Variants in ROBO2 observed in about 807,000 individuals in gnomAD.
The protein encoded by ROBO2 is roundabout guidance receptor 2.
A neutral mutation model predicts 160.8 loss-of-function variants in ROBO2; 53 were observed. The ratio of observed to expected loss-of-function variants is 0.33; its 90% CI spans 0.26 to 0.41. ROBO2 has a LOEUF of 0.41. ROBO2 is among the 10% of genes least tolerant of loss of function. The pLI, the probability that ROBO2 is intolerant of heterozygous loss-of-function variation, is 1.00. For synonymous variants in ROBO2, 664 were observed against 611.7 expected (o/e 1.09, Z -1.26); for missense variants, 1,577 against 1,722.4 (o/e 0.92, Z 1.49).
intron 2 of ROBO2, among the ~76,000 whole-genome samples, chr3:77,363,250 T>A (rs1313731389): frequency 6.6e-6 from 1 of 152,172 alleles, no homozygotes; most frequent in African/African-American, 2.4e-5. Flanking sequence ...AAAAGACTAG[T>A]AAGATTTGCA....
intron 2 of ROBO2, among the ~76,000 whole-genome samples, chr3:77,415,677 T>A (rs1337984628): frequency 6.6e-6 from 1 of 152,058 alleles, no homozygotes; most frequent in African/African-American, 2.4e-5. Context: ...GTGGCTGAGC[T>A]GGGTGTGGGC....
At chr3:76,913,170 T>A (rs2076095331) in intron 2 of ROBO2, among the ~76,000 whole-genome samples, 1 of 152,150 alleles carries the variant, frequency 6.6e-6, no homozygotes, top group African/African-American at 2.4e-5. Flanking sequence ...AATCTGAAAC[T>A]TTGACCCTCT....
intron 2 of ROBO2, among the ~76,000 whole-genome samples, chr3:76,182,529 T>C (rs892235672): frequency 6.6e-6 from 1 of 152,104 alleles, no homozygotes; most frequent in Non-Finnish European, 1.5e-5. Context: ...TGCTAAAATA[T>C]TGATTAACCC....
intron 2 of ROBO2, among the ~76,000 whole-genome samples, chr3:76,409,885 T>TA: frequency 6.6e-6 from 1 of 152,282 alleles, no homozygotes; most frequent in Non-Finnish European, 1.5e-5. Context: ...AGACATATGA[T>TA]AGAGTACAGA....
intron 2 of ROBO2, among the ~76,000 whole-genome samples, chr3:76,767,732 A>G (rs1440735242): frequency 2.0e-5 from 3 of 151,464 alleles, no homozygotes; most frequent in East Asian, 2.0e-4. Flanking sequence ...TATCACATTG[A>G]CATATTGTAT....
At chr3:76,120,937 C>T (rs2070727022) in intron 2 of ROBO2, among the ~76,000 whole-genome samples, 1 of 152,060 alleles carries the variant, frequency 6.6e-6, no homozygotes, top group Admixed American at 6.5e-5. Context: ...TTTTTATCCC[C>T]TATAGTATCT....
intron 2 of ROBO2, among the ~76,000 whole-genome samples, chr3:76,138,027 G>A (rs2106732220): frequency 6.6e-6 from 1 of 152,018 alleles, no homozygotes; most frequent in Middle Eastern, 3.4e-3. Flanking sequence ...TAGACATCAT[G>A]GGGACAATTA....
chr3:76,355,908 C>T (rs2075134795), intron 2 of ROBO2, among the ~76,000 whole-genome samples: 1 of 151,586 alleles, frequency 6.6e-6, no homozygotes, highest in Non-Finnish European at 1.5e-5. Flanking sequence ...TACAACTATA[C>T]TTTAGATTGA....
At chr3:77,641,799 G>C (rs73116510) in intron 24 of ROBO2, among the ~76,000 whole-genome samples, 2 of 151,872 alleles carry the variant, frequency 1.3e-5, no homozygotes, top group African/African-American at 2.4e-5. Context: ...TTTCACAGTC[G>C]AAGGCATACA....
intron 2 of ROBO2, among the ~76,000 whole-genome samples, chr3:76,483,118 TA>T (rs2079297201): frequency 6.6e-6 from 1 of 152,164 alleles, no homozygotes; most frequent in Non-Finnish European, 1.5e-5. Flanking sequence ...TTTTTTAATT[TA>T]CAAAACTAAA....
intron 2 of ROBO2, among the ~76,000 whole-genome samples, chr3:76,524,321 A>C (rs1003513481): frequency 1.2e-4 from 18 of 152,112 alleles, no homozygotes; most frequent in African/African-American, 4.3e-4. Context: ...GCACAGATTA[A>C]ATGTCATTGA....
intron 2 of ROBO2, among the ~76,000 whole-genome samples, chr3:76,113,215 G>A (rs556306469): frequency 2.6e-5 from 4 of 152,184 alleles, no homozygotes; most frequent in Admixed American, 2.0e-4. Flanking sequence ...TCTAAAAAAT[G>A]GATGTGAGGA....
chr3:77,147,784 T>C (rs1181615414), intron 2 of ROBO2, among the ~76,000 whole-genome samples: 1 of 152,232 alleles, frequency 6.6e-6, no homozygotes, highest in East Asian at 1.9e-4. Context: ...ACCTTCTTTT[T>C]TCCTTTGGGT....
intron 2 of ROBO2, among the ~76,000 whole-genome samples, chr3:76,103,204 G>C (rs1576870773): frequency 6.6e-6 from 1 of 152,296 alleles, no homozygotes; most frequent in East Asian, 1.9e-4. Context: ...TCGAGGTAAT[G>C]AATGATTTAT....
chr3:76,042,826 CCT>C (rs1186102411), intron 2 of ROBO2, among the ~76,000 whole-genome samples: 4 of 152,066 alleles, frequency 2.6e-5, no homozygotes, highest in African/African-American at 9.7e-5. Flanking sequence ...GCATGCAGCC[CCT>C]GTCACATACC....
chr3:76,029,544 G>A (rs538691158), intron 2 of ROBO2, among the ~76,000 whole-genome samples: 15 of 152,104 alleles, frequency 9.9e-5, no homozygotes, highest in Admixed American at 7.2e-4. Context: ...AGGCTCTGGT[G>A]TGTGATGTTC....
chr3:77,166,646 C>T (rs761589205), intron 2 of ROBO2, among the ~76,000 whole-genome samples: 132 of 152,294 alleles, frequency 8.7e-4, no homozygotes, highest in Non-Finnish European at 1.1e-3. Context: ...GCAGGCTCCA[C>T]CTCCCGGGTT....
chr3:76,817,628 C>T (rs1273890980), intron 2 of ROBO2, among the ~76,000 whole-genome samples: 1 of 151,642 alleles, frequency 6.6e-6, no homozygotes, highest in East Asian at 2.0e-4. Context: ...AATGTGTAGT[C>T]TCCTGTCCCT....
At chr3:76,330,261 C>T (rs1231228904) in intron 2 of ROBO2, among the ~76,000 whole-genome samples, 1 of 152,146 alleles carries the variant, frequency 6.6e-6, no homozygotes, top group African/African-American at 2.4e-5. Context: ...ATAAACTAAA[C>T]TCATAACTAA....
Sources: gnomAD v4.1 joint callset for allele counts (sites outside exome capture counted in the v4.1 genomes callset) on GRCh38, gnomAD v4.1.1 for gene constraint, MANE v1.5 for transcripts, NCBI Gene and HGNC (gene_info 2026-07-23, HGNC 2026-07-21) for gene names.